Variants in ARHGAP6 observed in about 807,000 individuals in gnomAD.
The protein encoded by ARHGAP6 is Rho GTPase activating protein 6.
A neutral mutation model predicts 55.7 loss-of-function variants in ARHGAP6; 16 were observed. The ratio of observed to expected loss-of-function variants is 0.29; its 90% CI spans 0.19 to 0.44. The LOEUF (loss-of-function observed/expected upper bound fraction) is 0.44. ARHGAP6 is among the 20% of genes least tolerant of loss of function. The pLI is 1.00. For synonymous variants in ARHGAP6, 382 were observed against 360.9 expected (o/e 1.06, Z -0.66); for missense variants, 698 against 808.9 (o/e 0.86, Z 1.66).
intron 1 of ARHGAP6, among the ~76,000 whole-genome samples, chrX:11,440,877 G>A (rs2050032862): frequency 8.9e-6 from 1 of 112,234 alleles, no homozygotes; most frequent in Non-Finnish European, 1.9e-5. Flanking sequence ...AATGACTGCT[G>A]CCTGGAGGAA....
chrX:11,425,256 GA>G (rs1434274856), intron 1 of ARHGAP6, among the ~76,000 whole-genome samples: 3 of 112,008 alleles, frequency 2.7e-5, no homozygotes, highest in African/African-American at 9.7e-5. Context: ...AAGATCACAG[GA>G]AAATGCACAG....
chrX:11,210,192 C>G (rs1352979208), intron 2 of ARHGAP6, among the ~76,000 whole-genome samples: 1 of 112,528 alleles, frequency 8.9e-6, no homozygotes, highest in Non-Finnish European at 1.9e-5. Context: ...TGGCTCTGTT[C>G]TCTGCAAAGT....
At chrX:11,503,084 C>T (rs1183760065) in intron 1 of ARHGAP6, among the ~76,000 whole-genome samples, 3 of 110,083 alleles carry the variant, frequency 2.7e-5, no homozygotes, top group African/African-American at 6.6e-5. Flanking sequence ...TTAGTAGAGA[C>T]GGGGTTTCAC....
At chrX:11,228,612 C>T (rs1193406083) in intron 2 of ARHGAP6, among the ~76,000 whole-genome samples, 2 of 111,821 alleles carry the variant, frequency 1.8e-5, no homozygotes, top group Non-Finnish European at 3.8e-5. Context: ...AAAATTGTGT[C>T]GGAGACCATA....
chrX:11,191,656 A>G, intron 3 of ARHGAP6, among the ~76,000 whole-genome samples: 1 of 111,219 alleles, frequency 9.0e-6, no homozygotes, highest in East Asian at 2.8e-4. Context: ...CTAGCTTATA[A>G]CTTTCTCACC....
intron 1 of ARHGAP6, among the ~76,000 whole-genome samples, chrX:11,358,399 T>C (rs1348336241): frequency 9.0e-6 from 1 of 111,217 alleles, no homozygotes; most frequent in Non-Finnish European, 1.9e-5. Context: ...GTGGAGTTTC[T>C]GCGTCATATG....
intron 1 of ARHGAP6, among the ~76,000 whole-genome samples, chrX:11,427,098 C>G (rs1603201391): frequency 9.0e-6 from 1 of 111,521 alleles, no homozygotes; most frequent in Admixed American, 9.4e-5. Context: ...CACCCCAACG[C>G]TCCCGGCAGC....
intron 1 of ARHGAP6, among the ~76,000 whole-genome samples, chrX:11,428,040 G>C (rs989366699): frequency 8.9e-6 from 1 of 112,669 alleles, no homozygotes; most frequent in Admixed American, 9.2e-5. Flanking sequence ...CCCCGGACCC[G>C]TGGGACCCCG....
intron 1 of ARHGAP6, among the ~76,000 whole-genome samples, chrX:11,643,701 A>G (rs2052498546): frequency 9.0e-6 from 1 of 111,271 alleles, no homozygotes; most frequent in South Asian, 3.8e-4. Context: ...CTATGGCCCA[A>G]TCCCTTGAAT....
chrX:11,180,607 A>G (rs1971137251), intron 6 of ARHGAP6, among the ~76,000 whole-genome samples: 1 of 111,962 alleles, frequency 8.9e-6, no homozygotes, highest in African/African-American at 3.2e-5. Context: ...TCATACTTGA[A>G]ATCTACTTCT....
chrX:11,640,748 T>C (rs1285814579), intron 1 of ARHGAP6, among the ~76,000 whole-genome samples: 2 of 111,392 alleles, frequency 1.8e-5, no homozygotes, highest in Non-Finnish European at 3.8e-5. Context: ...ATTCATATAT[T>C]GACATTCTGT....
chrX:11,472,946 A>T (rs1454638816), intron 1 of ARHGAP6, among the ~76,000 whole-genome samples: 2 of 110,430 alleles, frequency 1.8e-5, no homozygotes, highest in Non-Finnish European at 3.8e-5. Context: ...CTCAATCTCT[A>T]ATTCTTGGCC....
At chrX:11,221,515 T>G (rs2046971006) in intron 2 of ARHGAP6, 1 of 136,358 alleles carries the variant, frequency 7.3e-6, no homozygotes, top group Admixed American at 8.8e-5. Context: ...CATAGTCTGT[T>G]TGATAAATCT....
At chrX:11,586,244 G>C (rs1471619313) in intron 1 of ARHGAP6, among the ~76,000 whole-genome samples, 1 of 111,953 alleles carries the variant, frequency 8.9e-6, no homozygotes, top group Non-Finnish European at 1.9e-5. Flanking sequence ...TGAAATATTT[G>C]CCCATTCCTA....
intron 1 of ARHGAP6, among the ~76,000 whole-genome samples, chrX:11,649,983 T>A (rs2052567484): frequency 9.5e-6 from 1 of 105,457 alleles, no homozygotes; most frequent in Non-Finnish European, 1.9e-5. Flanking sequence ...ACCATTCAAC[T>A]TTCTTTTCTT....
chrX:11,571,681 T>C (rs942332648), intron 1 of ARHGAP6, among the ~76,000 whole-genome samples: 1 of 104,947 alleles, frequency 9.5e-6, no homozygotes, highest in Non-Finnish European at 1.9e-5. Context: ...AAGATCAGCC[T>C]GGGCAACTTA....
At chrX:11,625,653 A>T (rs1431606960) in intron 1 of ARHGAP6, among the ~76,000 whole-genome samples, 1 of 112,011 alleles carries the variant, frequency 8.9e-6, no homozygotes, top group Non-Finnish European at 1.9e-5. Context: ...GTAATTTGTT[A>T]TATATTTCAA....
At chrX:11,143,895 G>T (rs746220531) in intron 11 of ARHGAP6, 85 bp downstream of exon 11, 2 of 1,203,206 alleles carry the variant, frequency 1.7e-6, no homozygotes, top group Non-Finnish European at 1.1e-6. Context: ...CGAAGAGAAG[G>T]TCCGAAGAGC....
chrX:11,416,294 A>G (rs2049746367), intron 1 of ARHGAP6, among the ~76,000 whole-genome samples: 1 of 111,416 alleles, frequency 9.0e-6, no homozygotes, highest in African/African-American at 3.3e-5. Context: ...TTTTAATGCA[A>G]TTAAATTGCA....
Sources: allele counts gnomAD v4.1 joint callset (sites outside exome capture counted in the v4.1 genomes callset), GRCh38; gene constraint gnomAD v4.1.1; transcripts MANE v1.5; gene names NCBI Gene and HGNC (gene_info 2026-07-23, HGNC 2026-07-21).